The following SORCS3 variants were observed in gnomAD, a reference collection of about 807,000 sequenced individuals.
The protein encoded by SORCS3 is sortilin related VPS10 domain containing receptor 3.
Under a neutral mutation model 146.3 loss-of-function variants are expected in SORCS3, and 57 were observed. The observed-to-expected ratio is 0.39, with a 90% confidence interval of 0.31 to 0.49. The LOEUF is 0.49. SORCS3 is among the 20% of genes least tolerant of loss of function. The pLI is 0.92. For missense variants in SORCS3, 1,341 were observed against 1,575.5 expected (o/e 0.85, Z 2.52); for synonymous variants, 653 against 618.5 (o/e 1.06, Z -0.83).
At chr10:104,962,449 C>T (rs2054801486) in intron 3 of SORCS3, among the ~76,000 whole-genome samples, 1 of 152,102 alleles carries the variant, frequency 6.6e-6, no homozygotes. Flanking sequence ...GAAATCCATT[C>T]AGTGTATGGT....
intron 5 of SORCS3, among the ~76,000 whole-genome samples, chr10:105,066,931 G>C (rs192173214): frequency 6.6e-6 from 1 of 152,250 alleles, no homozygotes; most frequent in African/African-American, 2.4e-5. Context: ...GCCCTCCAGA[G>C]TTCTTGCTCT....
At chr10:105,220,693 T>TC (rs887781710) in intron 19 of SORCS3, among the ~76,000 whole-genome samples, 8 of 151,908 alleles carry the variant, frequency 5.3e-5, no homozygotes, top group African/African-American at 1.9e-4. Context: ...GTTTTTCATC[T>TC]CCCCCCTTGG....
At position 104,739,497 on chromosome 10, in the gene SORCS3, C is replaced by T. The variant is rs555266552; in HGVS notation, c.627+97543C>T. ...TTCTCCCAGGAGTACTGAAAGCACT[C>T]GGGAGAGGTGATAACCCTGTTATCT... On this transcript the variant is annotated intron_variant, in intron 1 of 26. Transcript: ENST00000369701. Among the ~76,000 whole-genome samples, 11 of 152,240 alleles carry T rather than the reference C, an allele frequency of 7.2e-5. No individual in the cohort carries two copies. In the East Asian group the frequency reaches 9.7e-4, roughly 13 times the overall value.
chr10:104,773,491 A>C (rs954371205), intron 1 of SORCS3, among the ~76,000 whole-genome samples: 1 of 152,216 alleles, frequency 6.6e-6, no homozygotes, highest in Admixed American at 6.5e-5. Context: ...TAAATGCTAT[A>C]AATCTGGGCT....
intron 2 of SORCS3, among the ~76,000 whole-genome samples, chr10:104,864,215 A>G (rs1273274350): frequency 6.6e-6 from 1 of 152,210 alleles, no homozygotes; most frequent in Non-Finnish European, 1.5e-5. Flanking sequence ...CAGAGGTGTC[A>G]GAAATTGTTA....
At chr10:104,701,282 C>T (rs75687038) in intron 1 of SORCS3, among the ~76,000 whole-genome samples, 2 of 152,124 alleles carry the variant, frequency 1.3e-5, no homozygotes, top group East Asian at 1.9e-4. Context: ...GGGTAGGAGA[C>T]GGATCTGATT....
chr10:104,926,070 C>G (rs890528550), intron 3 of SORCS3, among the ~76,000 whole-genome samples: 1 of 152,192 alleles, frequency 6.6e-6, no homozygotes, highest in African/African-American at 2.4e-5. Flanking sequence ...GCCTTTAGTG[C>G]TGACCGCAGT....
chr10:104,998,176 C>T (rs2133669516), intron 4 of SORCS3, among the ~76,000 whole-genome samples: 1 of 152,220 alleles, frequency 6.6e-6, no homozygotes, highest in East Asian at 1.9e-4. Flanking sequence ...AGTAGACTTC[C>T]TTGAAAGAGA....
intron 5 of SORCS3, among the ~76,000 whole-genome samples, chr10:105,087,988 A>T (rs2055674878): frequency 6.6e-6 from 1 of 152,206 alleles, no homozygotes; most frequent in Non-Finnish European, 1.5e-5. Flanking sequence ...AACCACTGGG[A>T]TAAGGATGCT....
chr10:104,991,535 T>C (rs1272651773), intron 4 of SORCS3, among the ~76,000 whole-genome samples: 1 of 150,006 alleles, frequency 6.7e-6, no homozygotes, highest in African/African-American at 2.5e-5. Context: ...AGAGTCTTGC[T>C]CTGTTGCCCA....
At chr10:104,680,776 CTT>C (rs1428402980) in intron 1 of SORCS3, among the ~76,000 whole-genome samples, 1 of 152,232 alleles carries the variant, frequency 6.6e-6, no homozygotes, top group East Asian at 1.9e-4. Context: ...CTGGAGGGCT[CTT>C]GTGAGGTTTT....
At chr10:105,031,350 CACACACACACACAA>C (rs2055266341) in intron 4 of SORCS3, among the ~76,000 whole-genome samples, 1 of 151,710 alleles carries the variant, frequency 6.6e-6, no homozygotes, top group Non-Finnish European at 1.5e-5. Context: ...CACACACACA[CACACACACACACAA>C]AAACATGTAT....
intron 1 of SORCS3, among the ~76,000 whole-genome samples, chr10:104,662,403 G>A (rs1409979390): frequency 1.3e-5 from 2 of 152,160 alleles, no homozygotes; most frequent in Non-Finnish European, 2.9e-5. Flanking sequence ...ACTATTATGA[G>A]CCACATTGTA....
chr10:104,797,375 C>T (rs2017568828), intron 1 of SORCS3, among the ~76,000 whole-genome samples: 1 of 152,076 alleles, frequency 6.6e-6, no homozygotes, highest in Non-Finnish European at 1.5e-5. Context: ...GGCTTGGATG[C>T]CCACCAAATA....
At chr10:105,054,241 C>A (rs911148133) in intron 5 of SORCS3, among the ~76,000 whole-genome samples, 1 of 151,772 alleles carries the variant, frequency 6.6e-6, no homozygotes, top group Non-Finnish European at 1.5e-5. Flanking sequence ...TGCTTTTTAG[C>A]ATACTTTGTA....
intron 1 of SORCS3, among the ~76,000 whole-genome samples, chr10:104,779,672 A>G (rs1231876457): frequency 3.9e-5 from 6 of 152,028 alleles, no homozygotes; most frequent in Admixed American, 2.6e-4. Flanking sequence ...TTAGATGTTG[A>G]TCCTGCACCT....
At chr10:104,663,289 T>C (rs2015725980) in intron 1 of SORCS3, among the ~76,000 whole-genome samples, 1 of 152,150 alleles carries the variant, frequency 6.6e-6, no homozygotes, top group African/African-American at 2.4e-5. Flanking sequence ...TCGCCTTTCA[T>C]GGGCACTTGC....
At chr10:104,707,212 G>A (rs1469679353) in intron 1 of SORCS3, among the ~76,000 whole-genome samples, 1 of 152,140 alleles carries the variant, frequency 6.6e-6, no homozygotes, top group African/African-American at 2.4e-5. Context: ...CTTACTAGCT[G>A]TATATCTAGG....
At chr10:104,831,328 CAG>C (rs1462098683) in intron 1 of SORCS3, among the ~76,000 whole-genome samples, 2 of 152,050 alleles carry the variant, frequency 1.3e-5, no homozygotes, top group South Asian at 2.1e-4. Context: ...AGAAAAGAAA[CAG>C]AGAGAGAGTA....
Sources: allele counts gnomAD v4.1 joint callset (sites outside exome capture counted in the v4.1 genomes callset), GRCh38; gene constraint gnomAD v4.1.1; transcripts MANE v1.5; gene names NCBI Gene and HGNC (gene_info 2026-07-23, HGNC 2026-07-21).